Variants in DCDC2C observed in about 807,000 individuals in gnomAD.
The protein encoded by DCDC2C is doublecortin domain-containing protein 2C.
Under a neutral mutation model 45.0 loss-of-function variants are expected in DCDC2C, and 44 were observed. The ratio of observed to expected loss-of-function variants is 0.98; its 90% CI spans 0.77 to 1.26. The LOEUF is 1.26. DCDC2C is among the 50% of genes most tolerant of loss of function. The pLI is 0.00. For synonymous variants in DCDC2C, 187 were observed against 178.8 expected, an observed-to-expected ratio of 1.05 and a Z score of -0.37; for missense variants, 447 against 468.9, an observed-to-expected ratio of 0.95 and a Z score of 0.43.
At chr2:3,803,450 T>C (rs1336085484) in intron 10 of DCDC2C, among the ~76,000 whole-genome samples, 1 of 152,248 alleles carries the variant, frequency 6.6e-6, no homozygotes, top group African/African-American at 2.4e-5. Flanking sequence ...TGGGTGGGTT[T>C]ACCCTGAAGA....
intron 9 of DCDC2C, among the ~76,000 whole-genome samples, chr2:3,779,184 G>T (rs1018630568): frequency 7.2e-5 from 11 of 152,244 alleles, no homozygotes; most frequent in Admixed American, 7.2e-4. Flanking sequence ...TGTACTTTTA[G>T]CTGGGAACGT....
intron 9 of DCDC2C, among the ~76,000 whole-genome samples, chr2:3,783,302 T>A (rs1055619782): frequency 6.6e-6 from 1 of 152,186 alleles, no homozygotes; most frequent in African/African-American, 2.4e-5. Context: ...ATCCTGTGCA[T>A]GTTCTGGCCT....
intron 5 of DCDC2C, 26 bp from the exon 6 acceptor site, chr2:3,754,566 C>A (rs879222749): frequency 6.5e-7 from 1 of 1,547,708 alleles, no homozygotes; most frequent in Non-Finnish European, 8.7e-7. Flanking sequence ...CTTTACATTT[C>A]AAGTTGAACA....
intron 5 of DCDC2C, among the ~76,000 whole-genome samples, chr2:3,753,646 C>A (rs1024943262): frequency 2.0e-5 from 3 of 152,210 alleles, no homozygotes; most frequent in Admixed American, 2.0e-4. Context: ...GGTTTGAACA[C>A]CATGCAGGTG....
At chr2:3,764,889 A>G (rs1475183222) in intron 6 of DCDC2C, among the ~76,000 whole-genome samples, 4 of 152,240 alleles carry the variant, frequency 2.6e-5, no homozygotes, top group African/African-American at 9.6e-5. Flanking sequence ...GGACAATTAC[A>G]AAATTGGAAT....
At chr2:3,747,252 A>G (rs1300107640) in intron 4 of DCDC2C, among the ~76,000 whole-genome samples, 9 of 152,186 alleles carry the variant, frequency 5.9e-5, no homozygotes, top group Admixed American at 5.9e-4. Flanking sequence ...TGCAGGGCTC[A>G]GTGTCAGTCA....
chr2:3,784,183 G>GT (rs1358483595), intron 9 of DCDC2C, among the ~76,000 whole-genome samples: 1 of 152,114 alleles, frequency 6.6e-6, no homozygotes, highest in Non-Finnish European at 1.5e-5. Context: ...TTAGGGATTT[G>GT]TTTTACAACA....
chr2:3,784,034 A>T lies in DCDC2C; in HGVS notation c.1024-1025A>T, dbSNP rs182482166. 9.9e-4 allele frequency among the ~76,000 whole-genome samples: 151 copies of T among 152,378 alleles called. 4 individuals carry two copies. In the East Asian group the frequency reaches 0.023, roughly 23 times the overall value. On this transcript the variant is annotated intron_variant, in intron 9 of 10. Coordinates refer to ENST00000399143, the MANE Select transcript of DCDC2C (RefSeq NM_001287444.2). ...GGCAAATAAGACAAACAGGAAATTC[A>T]CAAAGAAGAATACAAATTTCCAAAA...
intron 8 of DCDC2C, among the ~76,000 whole-genome samples, chr2:3,776,243 C>T (rs1045999299): frequency 1.3e-5 from 2 of 152,182 alleles, no homozygotes; most frequent in Non-Finnish European, 2.9e-5. Flanking sequence ...TGAAATCACT[C>T]TTGTTATGAG....
chr2:3,782,689 A>G (rs1392482513), intron 9 of DCDC2C, among the ~76,000 whole-genome samples: 2 of 152,098 alleles, frequency 1.3e-5, no homozygotes, highest in Admixed American at 6.5e-5. Context: ...TGTGATAGCC[A>G]GGTTGGTTCT....
chr2:3,742,737 G>C (rs191325291), intron 4 of DCDC2C, among the ~76,000 whole-genome samples: 120 of 152,346 alleles, frequency 7.9e-4, no homozygotes, highest in Non-Finnish European at 1.5e-3. Context: ...TGCGACAGTG[G>C]ATGAGGCACA....
At chr2:3,745,705 G>T (rs986658190) in intron 4 of DCDC2C, among the ~76,000 whole-genome samples, 1 of 152,040 alleles carries the variant, frequency 6.6e-6, no homozygotes, top group Non-Finnish European at 1.5e-5. Flanking sequence ...CCTTTTCCTT[G>T]TGTGGGTTAG....
At chr2:3,720,818 G>A (rs533281445) in intron 2 of DCDC2C, among the ~76,000 whole-genome samples, 2 of 152,274 alleles carry the variant, frequency 1.3e-5, no homozygotes, top group South Asian at 4.2e-4. Flanking sequence ...GTATTTGGAA[G>A]ATCTTGTCTA....
chr2:3,778,636 T>C (rs1004097831), intron 8 of DCDC2C, among the ~76,000 whole-genome samples, 180 bp from the exon 9 acceptor site: 2 of 152,196 alleles, frequency 1.3e-5, no homozygotes, highest in Non-Finnish European at 2.9e-5. Flanking sequence ...TGACATTTTC[T>C]TGGAGCCAAA....
rs35233541 is a variant in DCDC2C at position 3,847,499 on chromosome 2, A to AT, written c.*323dup. On this transcript the variant is annotated 3_prime_UTR_variant, in exon 11 of 11. Coordinates refer to ENST00000399143, the MANE Select transcript of DCDC2C (RefSeq NM_001287444.2). ...CGTGTGTATATTTTCCCCTCATGAT[A>AT]TTTTTTTCCTGGAATGTGTACGGGA... 2.3e-5 allele frequency: 5 copies of AT among 213,778 alleles called. No homozygotes were observed. The highest frequency in any genetic ancestry group is 4.5e-5 in the African/African-American group (2 of 44,018). The allele number at this position is 213,778 out of a possible 1,614,324, so 13.2% of individuals were successfully genotyped here.
At chr2:3,775,082 T>TG (rs1337605399) in intron 8 of DCDC2C, among the ~76,000 whole-genome samples, 2 of 152,090 alleles carry the variant, frequency 1.3e-5, no homozygotes, top group African/African-American at 4.8e-5. Context: ...TTTTTTTTTT[T>TG]GGGTGAGGAA....
intron 10 of DCDC2C, among the ~76,000 whole-genome samples, chr2:3,811,370 G>T (rs1473907741): frequency 6.6e-6 from 1 of 152,114 alleles, no homozygotes; most frequent in Non-Finnish European, 1.5e-5. Context: ...TTTATGGTTT[G>T]GCTGTCTGCT....
At position 3,818,198 on chromosome 2, in the gene DCDC2C, T is replaced by C. The variant is rs1220044186; in HGVS notation, c.1066-28956T>C. ...TTTAATAAGATGAGAAGCAGGTGGA[T>C]GGAAAGAAAGTAAATTATGAGAAAG... On this transcript the variant is annotated intron_variant, in intron 10 of 10. Transcript: ENST00000399143. The surrounding 1 kb of genome is among the most constrained non-coding windows in gnomAD (Gnocchi z 4.7). Among the ~76,000 whole-genome samples, 1 of 152,110 alleles carries C rather than the reference T, an allele frequency of 6.6e-6. No homozygotes were observed. Among genetic ancestry groups the C allele is most frequent in the African/African-American group, 2.4e-5 (1 of 41,428 alleles).
In DCDC2C at chr2:3,715,598, C is replaced by A. The variant is rs187489162; in HGVS notation, c.339+6998C>A. On this transcript the variant is annotated intron_variant, in intron 2 of 10. Transcript: ENST00000399143. ...ACTTTCCATCCATCCATCCATCCAT[C>A]CATCCATTCATCCAATTTAATCTGA... is the stretch of plus-strand genomic sequence containing the variant. Among the ~76,000 whole-genome samples, 101 of 152,286 alleles carry A rather than the reference C, an allele frequency of 6.6e-4. 1 individual carries two copies. In the Middle Eastern group the frequency reaches 0.024, roughly 36 times the overall value.
Sources: allele counts gnomAD v4.1 joint callset (sites outside exome capture counted in the v4.1 genomes callset), GRCh38; gene constraint gnomAD v4.1.1; non-coding constraint Gnocchi (gnomAD v3.1); transcripts MANE v1.5; gene names NCBI Gene and HGNC (gene_info 2026-07-23, HGNC 2026-07-21).